The following ZC3H12B variants were observed in gnomAD, a reference collection of about 807,000 sequenced individuals.
ZC3H12B encodes probable ribonuclease ZC3H12B.
A neutral mutation model predicts 43.9 loss-of-function variants in ZC3H12B; 7 were observed. That is an observed-to-expected ratio of 0.16 (90% CI 0.09 to 0.30). The LOEUF (loss-of-function observed/expected upper bound fraction) is 0.30. Among genes scored for constraint, ZC3H12B ranks in the 10% least tolerant of loss-of-function variants. The probability of loss-of-function intolerance (pLI) is 1.00; values close to 1 mark genes in which losing one functional copy is unlikely to be tolerated. For missense variants in ZC3H12B, 475 were observed against 670.2 expected (o/e 0.71, Z 3.22); for synonymous variants, 222 against 241.7 (o/e 0.92, Z 0.76).
At chrX:65,474,850 G>A (rs999920802) in intron 3 of ZC3H12B, among the ~76,000 whole-genome samples, 5 of 111,981 alleles carry the variant, frequency 4.5e-5, no homozygotes, top group Non-Finnish European at 9.4e-5. Flanking sequence ...CAGGTGATCC[G>A]CCTGCCTTGG....
the ZC3H12B span, among the ~76,000 whole-genome samples, chrX:65,150,655 A>C: frequency 2.7e-5 from 3 of 111,770 alleles, no homozygotes; most frequent in Non-Finnish European, 5.6e-5. Context: ...ATGTCCCTGC[A>C]AAGGACATGA....
chrX:65,080,790 A>C, the ZC3H12B span, among the ~76,000 whole-genome samples: 1 of 111,725 alleles, frequency 9.0e-6, no homozygotes, highest in African/African-American at 3.2e-5. Flanking sequence ...GAAGGTACAA[A>C]ACTCACTGGT....
upstream of ZC3H12B, among the ~76,000 whole-genome samples, chrX:65,364,103 C>T (rs2066140789): frequency 1.8e-5 from 2 of 110,995 alleles, no homozygotes; most frequent in South Asian, 7.7e-4. Context: ...GATGGCAGTT[C>T]CACCAGGCCT....
chrX:65,080,107 G>A, the ZC3H12B span, among the ~76,000 whole-genome samples: 6 of 105,635 alleles, frequency 5.7e-5, no homozygotes, highest in East Asian at 6.0e-4. Flanking sequence ...TCAGAGTCTC[G>A]CAACAGCACA....
the ZC3H12B span, among the ~76,000 whole-genome samples, chrX:65,245,844 G>A: frequency 3.6e-5 from 4 of 110,340 alleles, no homozygotes; most frequent in African/African-American, 1.3e-4. Flanking sequence ...GTTCTGGCCA[G>A]GGCAATCAGG....
At chrX:65,153,621 C>A in the ZC3H12B span, among the ~76,000 whole-genome samples, 1 of 112,025 alleles carries the variant, frequency 8.9e-6, no homozygotes, top group Non-Finnish European at 1.9e-5. Context: ...AACACTTTTA[C>A]ACTGTTGGTG....
the ZC3H12B span, among the ~76,000 whole-genome samples, chrX:65,226,726 G>A: frequency 9.0e-6 from 1 of 111,179 alleles, no homozygotes; most frequent in Admixed American, 9.5e-5. Context: ...GGCAGGGGTT[G>A]CAATCCTAGT....
chrX:65,159,635 T>G, the ZC3H12B span, among the ~76,000 whole-genome samples: 1 of 112,173 alleles, frequency 8.9e-6, no homozygotes, highest in African/African-American at 3.2e-5. Context: ...TTTGCTGAAG[T>G]TGCTTATCAG....
intron 3 of ZC3H12B, among the ~76,000 whole-genome samples, chrX:65,423,978 G>T (rs932752123): frequency 7.1e-5 from 8 of 111,996 alleles, no homozygotes; most frequent in African/African-American, 2.6e-4. Context: ...TTTTTAGTAT[G>T]AAGGGTGTTG....
the ZC3H12B span, among the ~76,000 whole-genome samples, chrX:65,172,262 T>C: frequency 1.8e-5 from 2 of 112,673 alleles, no homozygotes; most frequent in Non-Finnish European, 1.9e-5. Flanking sequence ...TCATATCCTT[T>C]GCCTACTTTT....
the ZC3H12B span, among the ~76,000 whole-genome samples, chrX:65,187,538 A>G: frequency 1.8e-5 from 2 of 111,900 alleles, no homozygotes; most frequent in African/African-American, 6.5e-5. Flanking sequence ...ACCAAATGGA[A>G]AAAGTGATTT....
At chrX:65,064,088 C>G in the ZC3H12B span, among the ~76,000 whole-genome samples, 3 of 111,548 alleles carry the variant, frequency 2.7e-5, no homozygotes, top group African/African-American at 9.8e-5. Context: ...TTTTGTTAAT[C>G]TTTTCAAAAA....
intron 3 of ZC3H12B, among the ~76,000 whole-genome samples, chrX:65,457,463 G>C (rs1433250218): frequency 1.1e-3 from 95 of 83,857 alleles, no homozygotes; most frequent in Non-Finnish European, 1.8e-3. Flanking sequence ...CCCCCCGCCC[G>C]GCCAGCCGCC....
the ZC3H12B span, among the ~76,000 whole-genome samples, chrX:65,115,681 A>G: frequency 9.0e-6 from 1 of 111,509 alleles, no homozygotes; most frequent in Non-Finnish European, 1.9e-5. Context: ...CTACAGTATA[A>G]AAGCCTTCCC....
At chrX:65,304,311 T>C in the ZC3H12B span, among the ~76,000 whole-genome samples, 2 of 111,254 alleles carry the variant, frequency 1.8e-5, no homozygotes, top group Admixed American at 9.5e-5. Context: ...AGTAACCATA[T>C]GCAAAAAAAA....
chrX:65,128,703 G>A, the ZC3H12B span, among the ~76,000 whole-genome samples: 112 of 111,897 alleles, frequency 1.0e-3, no homozygotes, highest in African/African-American at 3.6e-3. Flanking sequence ...AATTCTCCTA[G>A]TGTTCACTTC....
intron 3 of ZC3H12B, among the ~76,000 whole-genome samples, chrX:65,429,482 C>T (rs946429199): frequency 4.4e-5 from 5 of 112,417 alleles, no homozygotes; most frequent in Non-Finnish European, 7.5e-5. Context: ...AGGTTCCAAC[C>T]GGTAAGGAGG....
At chrX:65,285,222 G>T in the ZC3H12B span, among the ~76,000 whole-genome samples, 1 of 109,884 alleles carries the variant, frequency 9.1e-6, no homozygotes, top group East Asian at 2.8e-4. Flanking sequence ...CCCTTCACTT[G>T]AGTAATGTAC....
At chrX:65,382,202 A>C (rs1307265568) in intron 2 of ZC3H12B, among the ~76,000 whole-genome samples, 1 of 110,930 alleles carries the variant, frequency 9.0e-6, no homozygotes, top group Non-Finnish European at 1.9e-5. Flanking sequence ...AAAAATCCTC[A>C]ATAAAATACT....
Sources: allele counts gnomAD v4.1 joint callset (sites outside exome capture counted in the v4.1 genomes callset), GRCh38; gene constraint gnomAD v4.1.1; transcripts MANE v1.5; gene names NCBI Gene and HGNC (gene_info 2026-07-23, HGNC 2026-07-21).